The following GRIA2 variants were observed in gnomAD, a reference collection of about 807,000 sequenced individuals.
GRIA2 encodes glutamate receptor 2.
GRIA2 carries 14 observed loss-of-function variants against 97.3 expected under a neutral mutation model. The ratio of observed to expected loss-of-function variants is 0.14; its 90% CI spans 0.10 to 0.23. The LOEUF (loss-of-function observed/expected upper bound fraction) is 0.23. Among genes scored for constraint, GRIA2 ranks in the 10% least tolerant of loss-of-function variants. GRIA2 has a pLI of 1.00. For synonymous variants in GRIA2, 412 were observed against 387.8 expected (o/e 1.06, Z -0.73); for missense variants, 558 against 1,069.8 (o/e 0.52, Z 6.67).
chr4:157,286,271 A>G (rs899772041), intron 2 of GRIA2, among the ~76,000 whole-genome samples: 1 of 151,496 alleles, frequency 6.6e-6, no homozygotes, highest in Non-Finnish European at 1.5e-5. Flanking sequence ...GGTGCACAAT[A>G]TGATGTTTGG....
intron 2 of GRIA2, among the ~76,000 whole-genome samples, chr4:157,302,270 G>A (rs1733649965): frequency 6.6e-6 from 1 of 151,990 alleles, no homozygotes; most frequent in African/African-American, 2.4e-5. Flanking sequence ...GCATTACAGG[G>A]GATCAGTCTT....
At chr4:157,264,287 C>A (rs146161554) in intron 2 of GRIA2, among the ~76,000 whole-genome samples, 1 of 152,072 alleles carries the variant, frequency 6.6e-6, no homozygotes, top group Admixed American at 6.6e-5. Context: ...GAGGTGTCAG[C>A]AGGGCTGCTT....
At chr4:157,295,683 C>T (rs979583956) in intron 2 of GRIA2, among the ~76,000 whole-genome samples, 4 of 151,910 alleles carry the variant, frequency 2.6e-5, no homozygotes, top group African/African-American at 9.7e-5. Flanking sequence ...TAAAATAACC[C>T]CATTAATGCA....
chr4:157,265,021 T>A (rs1731706786), intron 2 of GRIA2, among the ~76,000 whole-genome samples: 1 of 152,136 alleles, frequency 6.6e-6, no homozygotes, highest in Admixed American at 6.6e-5. Context: ...AAAAGAGGCA[T>A]AATTTAAACC....
At chr4:157,241,352 G>C (rs942600183) in intron 2 of GRIA2, among the ~76,000 whole-genome samples, 2 of 151,996 alleles carry the variant, frequency 1.3e-5, no homozygotes, top group Non-Finnish European at 2.9e-5. Context: ...TTTATCATTA[G>C]TCCTACCTAA....
At chr4:157,232,810 G>A (rs1730081284) in intron 2 of GRIA2, among the ~76,000 whole-genome samples, 1 of 152,204 alleles carries the variant, frequency 6.6e-6, no homozygotes, top group East Asian at 1.9e-4. Context: ...GGTGTCTTGG[G>A]ATACAGAATA....
intron 2 of GRIA2, among the ~76,000 whole-genome samples, chr4:157,297,836 T>G (rs1225572152): frequency 6.6e-6 from 1 of 152,034 alleles, no homozygotes. Context: ...AATTGAATAT[T>G]TTTAATTAAA....
intron 2 of GRIA2, among the ~76,000 whole-genome samples, chr4:157,243,908 G>A (rs1319599473): frequency 6.6e-6 from 1 of 151,708 alleles, no homozygotes; most frequent in Non-Finnish European, 1.5e-5. Context: ...GTTAGAATGG[G>A]TGAATGATAA....
Position 157,363,491 on chromosome 4 carries a change from T to G in GRIA2, c.*60T>G. 8.1e-7 allele frequency: 1 copy of G among 1,239,864 alleles called. No homozygotes were observed. Among genetic ancestry groups the G allele is most frequent in the Non-Finnish European group, 1.0e-6 (1 of 990,732 alleles). 76.8% of individuals were successfully genotyped at this position (1,239,864 alleles called of 1,614,324 possible). On this transcript the variant is annotated 3_prime_UTR_variant, in exon 16 of 16. Coordinates refer to ENST00000264426, the MANE Select transcript of GRIA2 (RefSeq NM_001083619.3). The stretch of plus-strand genomic sequence containing the variant: ...CAAGGCTGTCAATTACAGGAAGTAC[T>G]GGAGAAAATGGACGTGTTATGACTC...
intron 2 of GRIA2, among the ~76,000 whole-genome samples, chr4:157,300,170 G>A (rs567367818): frequency 6.6e-6 from 1 of 151,744 alleles, no homozygotes; most frequent in East Asian, 1.9e-4. Context: ...GCATCATTGG[G>A]GAATAAGGTA....
Position 157,321,529 on chromosome 4 carries a change from C to G in GRIA2, c.812C>G (p.Ser271Cys), listed in dbSNP as rs1734565768. ...GTGGACTATGATGATTCGTTGGTAT[C>G]TAAATTTATAGAAAGATGGTCAACA... ...QIVDYDDSLV[S>C]KFIERWSTLE... Residue 271 changes from serine (S) to cysteine (C), a missense_variant, in exon 6 of 16, where the codon TCT becomes TGT. Coordinates refer to ENST00000264426, the MANE Select transcript of GRIA2 (RefSeq NM_001083619.3). 1 of 1,607,146 alleles carries G rather than the reference C, an allele frequency of 6.2e-7. No homozygotes were observed. The highest frequency in any genetic ancestry group is 1.3e-5 in the African/African-American group (1 of 74,708).
At chr4:157,360,915 G>T (rs1296568800) in intron 13 of GRIA2, 95 bp from the exon 14 acceptor site, 2 of 857,864 alleles carry the variant, frequency 2.3e-6, no homozygotes, top group Non-Finnish European at 3.8e-6. Context: ...GACAAGAGTT[G>T]CCACAGAAGC....
intron 6 of GRIA2, among the ~76,000 whole-genome samples, chr4:157,322,898 A>C (rs539940029): frequency 2.6e-5 from 4 of 152,188 alleles, no homozygotes; most frequent in Admixed American, 1.3e-4. Context: ...GAAATTTTGA[A>C]GTTCTTTACT....
At chr4:157,350,394 TAGA>T (rs928721274) in intron 12 of GRIA2, among the ~76,000 whole-genome samples, 1 of 152,104 alleles carries the variant, frequency 6.6e-6, no homozygotes, top group Non-Finnish European at 1.5e-5. Context: ...GATCTACTTA[TAGA>T]AGATCTTTTT....
chr4:157,281,057 T>A (rs1401131648), intron 2 of GRIA2, among the ~76,000 whole-genome samples: 2 of 151,884 alleles, frequency 1.3e-5, no homozygotes, highest in East Asian at 3.9e-4. Context: ...AACTGTGAAA[T>A]AAAAAATAAC....
intron 13 of GRIA2, chr4:157,360,750 G>T: frequency 1.1e-5 from 6 of 526,928 alleles, no homozygotes; most frequent in East Asian, 4.8e-5. Flanking sequence ...TGTTGTGGAT[G>T]TGAGTACATT....
chr4:157,243,373 C>A (rs1359779654), intron 2 of GRIA2, among the ~76,000 whole-genome samples: 1 of 151,960 alleles, frequency 6.6e-6, no homozygotes, highest in Non-Finnish European at 1.5e-5. Flanking sequence ...TTTATAATTA[C>A]CTGTGATGAA....
intron 12 of GRIA2, among the ~76,000 whole-genome samples, chr4:157,355,515 C>T (rs574074297): frequency 9.4e-5 from 12 of 127,398 alleles, no homozygotes; most frequent in East Asian, 7.4e-4. Context: ...GGGACAAGAA[C>T]GAGACTTCAT....
intron 2 of GRIA2, among the ~76,000 whole-genome samples, chr4:157,277,727 C>A (rs1732388665): frequency 6.6e-6 from 1 of 150,472 alleles, no homozygotes. Flanking sequence ...TTCTATACAA[C>A]AACATTGAAC....
Sources: allele counts gnomAD v4.1 joint callset (sites outside exome capture counted in the v4.1 genomes callset), GRCh38; gene constraint gnomAD v4.1.1; transcripts MANE v1.5; gene names NCBI Gene and HGNC (gene_info 2026-07-23, HGNC 2026-07-21).